The following ZNF350 variants were observed in gnomAD, a reference collection of about 807,000 sequenced individuals.
ZNF350 encodes the protein KRAB zinc finger protein ZFQR.
In ZNF350, 5 loss-of-function variants were observed where a neutral mutation model predicts 13.1. The observed-to-expected ratio is 0.38, with a 90% confidence interval of 0.20 to 0.80. The LOEUF is 0.80. Among genes scored for constraint, ZNF350 ranks in the 30% least tolerant of loss-of-function variants. ZNF350 has a pLI of 0.43. For missense variants in ZNF350, 534 were observed against 644.2 expected (o/e 0.83, Z 1.85); for synonymous variants, 199 against 224.2 (o/e 0.89, Z 1.00).
chr19:51,974,386 T>C lies in ZNF350; in HGVS notation c.-26A>G. 1 of 1,613,728 alleles carries C rather than the reference T, an allele frequency of 6.2e-7. No individual in the cohort carries two copies. Reference sequence around the variant, plus strand: ...TTTCTTCTGTTCTTGGAAGACAGCATTCAACTGGGATGGTCTGTCTTTGTA... The same window carrying C: ...TTTCTTCTGTTCTTGGAAGACAGCACTCAACTGGGATGGTCTGTCTTTGTA... On this transcript the variant is annotated 5_prime_UTR_variant, in exon 2 of 5. The change abolishes an upstream ATG in the 5' untranslated region. Coordinates refer to ENST00000243644, the MANE Select transcript of ZNF350 (RefSeq NM_021632.4).
chr19:51,983,330 T>C (rs908111781), intron 1 of ZNF350, among the ~76,000 whole-genome samples: 1 of 152,014 alleles, frequency 6.6e-6, no homozygotes, highest in African/African-American at 2.4e-5. Context: ...TGAGATATGG[T>C]CTCGTGGGAA....
At chr19:51,971,448 C>T (rs1486356907) in intron 2 of ZNF350, among the ~76,000 whole-genome samples, 1 of 152,196 alleles carries the variant, frequency 6.6e-6, no homozygotes, top group African/African-American at 2.4e-5. Flanking sequence ...GTCCGTGGGA[C>T]GTGACCAACT....
chr19:51,965,623 A>C lies in ZNF350; in HGVS notation c.830T>G (p.Leu277Arg). ...CGKAFLKKSRLNIHQKTHTGE... is the reference protein window; with the variant it reads ...CGKAFLKKSRRNIHQKTHTGE... ...GGTATGTGTTTTCTGATGTATGTTG[A>C]GCCGTGATTTCTTGAGAAAGGCTTT... Residue 277 changes from leucine to arginine, a missense_variant, in exon 5 of 5, where the codon CTC (leucine) becomes CGC (arginine). Transcript: ENST00000243644. 1 of 1,614,144 alleles carries C rather than the reference A, an allele frequency of 6.2e-7. No homozygotes were observed. The highest frequency in any genetic ancestry group is 8.5e-7 in the Non-Finnish European group (1 of 1,180,038).
Position 51,986,828 on chromosome 19 carries a change from C to T in ZNF350, c.-230G>A, listed in dbSNP as rs935055626. The stretch of plus-strand genomic sequence containing the variant: ...AACGTTACACTTCCGTAAACTGCTC[C>T]TACTTCTGGAGTCCTCGCACGGGTT... On this transcript the variant is annotated 5_prime_UTR_variant, in exon 1 of 5. Transcript: ENST00000243644. 6.6e-6 allele frequency: 1 copy of T among 152,200 alleles called. No homozygotes were observed. The highest frequency in any genetic ancestry group is 1.5e-5 in the Non-Finnish European group (1 of 68,066). The allele number at this position is 152,200 out of a possible 1,614,324, so 9.4% of individuals were successfully genotyped here.
At chr19:51,966,258 T>G in intron 4 of ZNF350, 44 bp from the exon 5 acceptor site, 2 of 1,510,842 alleles carry the variant, frequency 1.3e-6, no homozygotes, top group Non-Finnish European at 1.8e-6. Context: ...AGATTTGGGG[T>G]AAAAGTTTGT....
chr19:51,973,655 C>G (rs1466344445), intron 2 of ZNF350: 1 of 152,222 alleles, frequency 6.6e-6, no homozygotes, highest in Non-Finnish European at 1.5e-5. Flanking sequence ...CTCCCTGTCT[C>G]CAAATCTATA....
chr19:51,979,023 G>C (rs1303025430), intron 1 of ZNF350, among the ~76,000 whole-genome samples: 5 of 152,096 alleles, frequency 3.3e-5, no homozygotes, highest in African/African-American at 1.2e-4. Context: ...CCATGGAATG[G>C]GAGACTGGAG....
intron 2 of ZNF350, among the ~76,000 whole-genome samples, chr19:51,971,670 C>T (rs2085741708): frequency 6.6e-6 from 1 of 152,178 alleles, no homozygotes; most frequent in Non-Finnish European, 1.5e-5. Flanking sequence ...CTGCACCCCC[C>T]CAACTATCTC....
At chr19:51,986,277 C>G (rs749676187) in intron 1 of ZNF350, among the ~76,000 whole-genome samples, 2 of 152,080 alleles carry the variant, frequency 1.3e-5, no homozygotes, top group Non-Finnish European at 2.9e-5. Flanking sequence ...GAACCTCAAC[C>G]CAGGACCCAG....
chr19:51,964,813 T>A lies in ZNF350; in HGVS notation c.*41A>T. Reference sequence around the variant, plus strand: ...TTTCGGCCACATAATGAACTACAAATTTTTGCTCAACCCTTTTCCACATAG... The same window carrying A: ...TTTCGGCCACATAATGAACTACAAAATTTTGCTCAACCCTTTTCCACATAG... On this transcript the variant is annotated 3_prime_UTR_variant, in exon 5 of 5. Coordinates refer to ENST00000243644, the MANE Select transcript of ZNF350 (RefSeq NM_021632.4). 6.4e-7 allele frequency: 1 copy of A among 1,567,502 alleles called. No homozygotes were observed. Among genetic ancestry groups the A allele is most frequent in the Non-Finnish European group, 8.7e-7 (1 of 1,155,366 alleles).
intron 1 of ZNF350, among the ~76,000 whole-genome samples, chr19:51,983,243 G>A (rs1041802015): frequency 2.0e-5 from 3 of 152,176 alleles, no homozygotes; most frequent in Non-Finnish European, 1.5e-5. Context: ...GGGACACAAT[G>A]CACTGCGGAA....
intron 2 of ZNF350, chr19:51,973,147 G>A (rs138660362): frequency 0.027 from 4,063 of 151,830 alleles, 69 homozygotes; most frequent in Non-Finnish European, 0.038. Flanking sequence ...AGGGTTTCAC[G>A]GTGTGAGCCA....
At position 51,965,250 on chromosome 19, in the gene ZNF350, G is replaced by A; in HGVS notation, c.1203C>T (p.Pro401=). 1.2e-6 allele frequency: 2 copies of A among 1,614,202 alleles called. No homozygotes were observed. The highest frequency in any genetic ancestry group is 1.7e-6 in the Non-Finnish European group (2 of 1,180,036). ...VHQRTHTGER[P]YGCNECGKAF... ...CTTTCCCACACTCGTTACAGCCATA[G>A]GGTCTCTCTCCTGTATGAGTCCTTT... The change falls in exon 5 of 5, where the codon CCC becomes CCT. Residue 401 remains proline (P), a synonymous_variant. Transcript: ENST00000243644.
At chr19:51,986,674 C>T (rs1051381182) in intron 1 of ZNF350, 96 bp downstream of exon 1, 1 of 152,400 alleles carries the variant, frequency 6.6e-6, no homozygotes, top group African/African-American at 2.4e-5. Flanking sequence ...ACTATGTGGT[C>T]CAGGGTACAC....
chr19:51,985,778 G>T (rs992231093), intron 1 of ZNF350, among the ~76,000 whole-genome samples: 1 of 152,110 alleles, frequency 6.6e-6, no homozygotes, highest in African/African-American at 2.4e-5. Flanking sequence ...AAGCCAAGGT[G>T]GGCGGATCAC....
Position 51,965,024 on chromosome 19 carries a change from C to A in ZNF350, c.1429G>T (p.Gly477Cys), listed in dbSNP as rs759224562. The A allele has an allele frequency of 6.2e-7, 1 of 1,614,020 alleles. No homozygotes were observed. The highest frequency in any genetic ancestry group is 1.3e-5 in the African/African-American group (1 of 74,888). The change falls in exon 5 of 5, where the codon GGC (glycine) becomes TGC (cysteine). Residue 477 changes from glycine (G) to cysteine (C), a missense_variant. Transcript: ENST00000243644. Reference protein sequence around the residue: ...VAPQTSLNISGLLANRNVVLV... With the variant: ...VAPQTSLNISCLLANRNVVLV... ...ACTACGTTCCTGTTTGCGAGGAGGC[C>A]GCTGATGTTTAATGATGTCTGAGGG...
At chr19:51,971,496 CTG>C (rs1375020485) in intron 2 of ZNF350, among the ~76,000 whole-genome samples, 1 of 152,178 alleles carries the variant, frequency 6.6e-6, no homozygotes, top group African/African-American at 2.4e-5. Context: ...AAACAGCAAA[CTG>C]TTTATCATGA....
chr19:51,974,272 A>T, intron 2 of ZNF350, 74 bp downstream of exon 2: 1 of 1,511,058 alleles, frequency 6.6e-7, no homozygotes, highest in Non-Finnish European at 9.1e-7. Context: ...ATATTAGTGA[A>T]ATTGATGTTT....
chr19:51,964,699 C>G lies in ZNF350; in HGVS notation c.*155G>C. On this transcript the variant is annotated 3_prime_UTR_variant, in exon 5 of 5. Coordinates refer to ENST00000243644, the MANE Select transcript of ZNF350 (RefSeq NM_021632.4). ...GCTGTGTATGTGCTTAGGTTAACAT[C>G]AAATTTGCCTGTGTATCACAGCATA... 1 of 828,236 alleles carries G rather than the reference C, an allele frequency of 1.2e-6. No homozygotes were observed. The highest frequency in any genetic ancestry group is 1.8e-6 in the Non-Finnish European group (1 of 548,284). 51.3% of individuals were successfully genotyped at this position (828,236 alleles called of 1,614,324 possible). A position where few individuals can be genotyped will look rare whatever the true frequency, so the allele number is the denominator to read the frequency against.
Sources: allele counts gnomAD v4.1 joint callset (sites outside exome capture counted in the v4.1 genomes callset), GRCh38; gene constraint gnomAD v4.1.1; transcripts MANE v1.5; gene names NCBI Gene and HGNC (gene_info 2026-07-23, HGNC 2026-07-21).